Variants in TEKT3 observed in about 807,000 individuals in gnomAD.
TEKT3 encodes the protein tektin 3.
In TEKT3, 49 loss-of-function variants were observed where a neutral mutation model predicts 49.8. That is an observed-to-expected ratio of 0.98 (90% confidence interval 0.78 to 1.25). The LOEUF (loss-of-function observed/expected upper bound fraction) is 1.25. TEKT3 is among the 50% of genes most tolerant of loss of function. The pLI is 0.00. For synonymous variants in TEKT3, 225 were observed against 237.2 expected (o/e 0.95, Z 0.47); for missense variants, 595 against 629.5 (o/e 0.95, Z 0.59).
Position 15,303,971 on chromosome 17 carries a change from A to G in TEKT3, c.1438T>C (p.Tyr480His), listed in dbSNP as rs775144014. ...QEKCMSMRKS[Y>H]PNTLRLVGFC is the part of the protein sequence containing the mutation. ...CCGACCAGCCGGAGGGTGTTGGGGT[A>G]GCTCTTGCGCATGCTCATGCATTTT... The change falls in exon 9 of 9, where the codon TAC (tyrosine) becomes CAC (histidine). Residue 480 changes from tyrosine to histidine, a missense_variant. Coordinates refer to ENST00000395930, the MANE Select transcript of TEKT3 (RefSeq NM_031898.3). 5.6e-6 allele frequency: 9 copies of G among 1,614,092 alleles called. No homozygotes were observed. In the African/African-American group the frequency reaches 1.2e-4, roughly 22 times the overall value.
intron 6 of TEKT3, 41 bp from the exon 7 acceptor site, chr17:15,312,522 GA>G (rs774113731): frequency 8.9e-6 from 14 of 1,577,138 alleles, no homozygotes; most frequent in Non-Finnish European, 1.0e-5. Flanking sequence ...TGAGAGTGAT[GA>G]ATCAGCCTAC....
chr17:15,324,852 A>C (rs141778168), intron 4 of TEKT3, among the ~76,000 whole-genome samples: 1 of 152,208 alleles, frequency 6.6e-6, no homozygotes, highest in Non-Finnish European at 1.5e-5. Context: ...TGCCTATTCC[A>C]ATGTCACGAA....
In TEKT3 at chr17:15,303,890, G is replaced by T; in HGVS notation, c.*46C>A. 1.3e-6 allele frequency: 2 copies of T among 1,539,238 alleles called. No homozygotes were observed. The highest frequency in any genetic ancestry group is 9.0e-7 in the Non-Finnish European group (1 of 1,113,428). On this transcript the variant is annotated 3_prime_UTR_variant, in exon 9 of 9. Transcript: ENST00000395930. ...GTTCAAATGCTGAGACAGTGCTCTG[G>T]CTCAGCCTTAACTTAGGGGTATCAA...
At chr17:15,322,739 C>T (rs1039241446) in intron 4 of TEKT3, among the ~76,000 whole-genome samples, 3 of 152,160 alleles carry the variant, frequency 2.0e-5, no homozygotes, top group Non-Finnish European at 2.9e-5. Context: ...GGTGAATGGG[C>T]TACTGAAATC....
intron 2 of TEKT3, among the ~76,000 whole-genome samples, chr17:15,332,060 T>C (rs1367364334): frequency 7.2e-6 from 1 of 138,510 alleles, no homozygotes; most frequent in African/African-American, 2.8e-5. Context: ...GCACCTGTAA[T>C]CCCATCTACT....
intron 5 of TEKT3, among the ~76,000 whole-genome samples, chr17:15,316,773 A>G (rs1911030900): frequency 6.6e-6 from 1 of 152,210 alleles, no homozygotes; most frequent in African/African-American, 2.4e-5. Flanking sequence ...GAAGATAATT[A>G]TGTGCCTAAC....
At chr17:15,316,327 G>T (rs1041657548) in intron 5 of TEKT3, among the ~76,000 whole-genome samples, 5 of 152,140 alleles carry the variant, frequency 3.3e-5, no homozygotes, top group Admixed American at 3.3e-4. Flanking sequence ...TGGGGAGGTG[G>T]AATAGAGACT....
chr17:15,327,749 G>A (rs539954352), intron 4 of TEKT3: 1 of 416,464 alleles, frequency 2.4e-6, no homozygotes, highest in African/African-American at 2.0e-5. Context: ...AAAATTAATA[G>A]TGATTTCTGT....
In TEKT3 at chr17:15,331,485, C is replaced by A. The variant is rs1432979046; in HGVS notation, c.101G>T (p.Arg34Met). Residue 34 changes from arginine (R) to methionine (M), a missense_variant, in exon 3 of 9, where the codon AGG becomes ATG. Transcript: ENST00000395930. Reference protein sequence around the residue: ...PAISTMASSYRDRFPHSNLTH... With the variant: ...PAISTMASSYMDRFPHSNLTH... ...CAAATTGGAGTGGGGAAAGCGGTCCCTGTAGCTTGAGGCCATGGTACTGAT... is the reference window on the plus strand; with the variant it reads ...CAAATTGGAGTGGGGAAAGCGGTCCATGTAGCTTGAGGCCATGGTACTGAT... 6.2e-7 allele frequency: 1 copy of A among 1,614,030 alleles called. No homozygotes were observed. Among genetic ancestry groups the A allele is most frequent in the Admixed American group, 1.7e-5 (1 of 60,002 alleles).
At position 15,314,083 on chromosome 17, in the gene TEKT3, T is replaced by C. The variant is rs201632408; in HGVS notation, c.878+4A>G. On this transcript the variant is annotated splice_donor_region_variant and intron_variant, in intron 6 of 8. Coordinates refer to ENST00000395930, the MANE Select transcript of TEKT3 (RefSeq NM_031898.3). ...ATCACAGCCGTGGCGTGTGCCTGAC[T>C]TACGTTGCATCGACCCTCTCCACTC... is the stretch of plus-strand genomic sequence containing the variant. The C allele has an allele frequency of 3.0e-4, 484 of 1,614,088 alleles. No homozygotes were observed. Among genetic ancestry groups the C allele is most frequent in the Non-Finnish European group, 2.4e-4 (280 of 1,180,044 alleles).
intron 2 of TEKT3, among the ~76,000 whole-genome samples, chr17:15,335,820 T>C (rs1911955298): frequency 6.6e-6 from 1 of 152,004 alleles, no homozygotes; most frequent in South Asian, 2.1e-4. Context: ...CCAAATAAAC[T>C]TCAGGAATAA....
At chr17:15,325,398 T>C (rs2150745968) in intron 4 of TEKT3, among the ~76,000 whole-genome samples, 1 of 152,296 alleles carries the variant, frequency 6.6e-6, no homozygotes, top group Non-Finnish European at 1.5e-5. Context: ...AGACATGATA[T>C]GCCCATTTAT....
intron 2 of TEKT3, among the ~76,000 whole-genome samples, chr17:15,333,423 T>C (rs1014311819): frequency 2.6e-5 from 4 of 152,232 alleles, no homozygotes; most frequent in East Asian, 3.8e-4. Context: ...CCTGTGCTTA[T>C]AGAACCCTAG....
chr17:15,335,840 T>C (rs1167934659), intron 2 of TEKT3, among the ~76,000 whole-genome samples: 1 of 152,028 alleles, frequency 6.6e-6, no homozygotes, highest in African/African-American at 2.4e-5. Flanking sequence ...AAACATACAA[T>C]ATATACTTGC....
intron 8 of TEKT3, among the ~76,000 whole-genome samples, chr17:15,307,538 G>T (rs115131826): frequency 6.6e-6 from 1 of 152,122 alleles, no homozygotes; most frequent in Non-Finnish European, 1.5e-5. Context: ...ATTGATTATC[G>T]CCATCATTAT....
intron 4 of TEKT3, among the ~76,000 whole-genome samples, chr17:15,319,404 A>G (rs920363527): frequency 1.9e-4 from 29 of 152,258 alleles, no homozygotes; most frequent in Non-Finnish European, 2.5e-4. Context: ...ACATGGTTAA[A>G]ATTTTAGGAT....
chr17:15,308,165 G>T (rs1185408873), intron 8 of TEKT3, among the ~76,000 whole-genome samples: 1 of 152,136 alleles, frequency 6.6e-6, no homozygotes, highest in Non-Finnish European at 1.5e-5. Context: ...AATTGGTACT[G>T]AAAGTCCCTT....
chr17:15,308,973 GC>G, intron 7 of TEKT3, 155 bp from the exon 8 acceptor site: 2 of 897,218 alleles, frequency 2.2e-6, no homozygotes, highest in Non-Finnish European at 3.4e-6. Flanking sequence ...TTCCAGCCCT[GC>G]CCCAGGGAAC....
chr17:15,314,112 G>A lies in TEKT3; in HGVS notation c.853C>T (p.Arg285Cys), dbSNP rs773797512. 13 of 1,614,078 alleles carry A rather than the reference G, an allele frequency of 8.1e-6. No homozygotes were observed. Among genetic ancestry groups the A allele is most frequent in the East Asian group, 2.2e-5 (1 of 44,880 alleles). ...RNTSDGVGYF[R>C]GVERVDATVS... ...GTTGCATCGACCCTCTCCACTCCGC[G>A]GAAGTAGCCGACACCGTCTGATGTG... Residue 285 changes from arginine to cysteine, a missense_variant, in exon 6 of 9, where the codon CGC becomes TGC. Physicochemically the swap from Arg to Cys is radical, Grantham distance 180. Transcript: ENST00000395930.
Sources: gnomAD v4.1 joint callset for allele counts (sites outside exome capture counted in the v4.1 genomes callset) on GRCh38, gnomAD v4.1.1 for gene constraint, MANE v1.5 for transcripts, NCBI Gene and HGNC (gene_info 2026-07-23, HGNC 2026-07-21) for gene names.